Variants in MECOM observed in about 807,000 individuals in gnomAD.
MECOM encodes the protein MDS1 and EVI1 complex locus.
A neutral mutation model predicts 116.3 loss-of-function variants in MECOM; 13 were observed. That is an observed-to-expected ratio of 0.11 (90% confidence interval 0.07 to 0.18). The LOEUF is 0.18. MECOM is among the 10% of genes least tolerant of loss of function. The pLI is 1.00. For missense variants in MECOM, 1,299 were observed against 1,509.0 expected, an observed-to-expected ratio of 0.86 and a Z score of 2.31; for synonymous variants, 528 against 535.2, an observed-to-expected ratio of 0.99 and a Z score of 0.19.
intron 2 of MECOM, among the ~76,000 whole-genome samples, chr3:169,310,442 T>C (rs1482637614): frequency 1.3e-5 from 2 of 152,226 alleles, no homozygotes; most frequent in East Asian, 3.8e-4. Flanking sequence ...GCAAATTGTG[T>C]CATCAAACAG....
intron 2 of MECOM, among the ~76,000 whole-genome samples, chr3:169,203,336 G>A (rs910605239): frequency 2.0e-5 from 3 of 152,032 alleles, no homozygotes; most frequent in African/African-American, 4.8e-5. Flanking sequence ...AAAGAACGTG[G>A]TATTTATGTT....
chr3:169,101,085 G>A, intron 11 of MECOM, 123 bp from the exon 12 acceptor site: 1 of 488,048 alleles, frequency 2.0e-6, no homozygotes, highest in East Asian at 3.7e-5. Flanking sequence ...ACATTTCTTT[G>A]GTATTTAAAA....
chr3:169,377,841 T>G (rs1386512930), intron 2 of MECOM, among the ~76,000 whole-genome samples: 3 of 152,170 alleles, frequency 2.0e-5, no homozygotes, highest in Non-Finnish European at 4.4e-5. Context: ...CAAAGGATTA[T>G]AAATCATTCT....
At chr3:169,292,775 G>T (rs938092813) in intron 2 of MECOM, among the ~76,000 whole-genome samples, 38 of 152,178 alleles carry the variant, frequency 2.5e-4, no homozygotes, top group Non-Finnish European at 1.0e-4. Flanking sequence ...GGAGACTGAA[G>T]ATCTGAATTC....
At chr3:169,088,877 C>T in intron 16 of MECOM, 123 bp downstream of exon 16, 2 of 815,504 alleles carry the variant, frequency 2.5e-6, no homozygotes, top group South Asian at 2.9e-5. Context: ...TTTAGAAAGG[C>T]ATCTGACCCC....
chr3:169,283,568 G>A (rs1320790909), intron 2 of MECOM, among the ~76,000 whole-genome samples: 1 of 152,108 alleles, frequency 6.6e-6, no homozygotes, highest in Non-Finnish European at 1.5e-5. Flanking sequence ...CATTTGTGAA[G>A]ATGAAATTTC....
intron 2 of MECOM, among the ~76,000 whole-genome samples, chr3:169,186,961 G>A (rs1746864568): frequency 6.6e-6 from 1 of 152,194 alleles, no homozygotes; most frequent in South Asian, 2.1e-4. Context: ...CACTGGTAGT[G>A]CAGTGATGAT....
intron 1 of MECOM, among the ~76,000 whole-genome samples, chr3:169,519,787 G>T (rs527826665): frequency 6.6e-6 from 1 of 152,306 alleles, no homozygotes; most frequent in Admixed American, 6.5e-5. Flanking sequence ...CTTGATTTTT[G>T]ACTGCTCAGC....
chr3:169,290,146 A>G (rs1409452556), intron 2 of MECOM, among the ~76,000 whole-genome samples: 2 of 152,126 alleles, frequency 1.3e-5, no homozygotes, highest in African/African-American at 2.4e-5. Flanking sequence ...AATAAAACAA[A>G]TCATTTCCCA....
At chr3:169,212,680 A>G (rs1295125876) in intron 2 of MECOM, among the ~76,000 whole-genome samples, 10 of 125,632 alleles carry the variant, frequency 8.0e-5, no homozygotes, top group Non-Finnish European at 1.3e-4. Flanking sequence ...ATATATATAT[A>G]TATATGCAAC....
chr3:169,177,413 A>T (rs1004339933), intron 2 of MECOM, among the ~76,000 whole-genome samples: 1 of 152,156 alleles, frequency 6.6e-6, no homozygotes, highest in African/African-American at 2.4e-5. Context: ...GTGGGAGTTG[A>T]ACAACGAGAA....
Position 169,084,462 on chromosome 3 carries a change from A to C in MECOM, c.*447T>G, listed in dbSNP as rs371676630. ...TACATAAAACTTTAACGAAGAAAAA[A>C]ATTAAATCTGTAATTAAAAGCAACT... On this transcript the variant is annotated 3_prime_UTR_variant, in exon 17 of 17. Transcript: ENST00000651503. The C allele has an allele frequency of 6.8e-5, 16 of 233,868 alleles. No homozygotes were observed. The East Asian group carries it at 7.9e-4, about 12-fold the overall frequency. 14.5% of individuals were successfully genotyped at this position (233,868 alleles called of 1,614,324 possible). A position where few individuals can be genotyped will look rare whatever the true frequency, so the allele number is the denominator to read the frequency against.
At chr3:169,371,115 C>CTGA (rs1180674414) in intron 2 of MECOM, among the ~76,000 whole-genome samples, 1 of 151,884 alleles carries the variant, frequency 6.6e-6, no homozygotes, top group Admixed American at 6.6e-5. Context: ...TAGAAACAAC[C>CTGA]TGAATGCGAA....
chr3:169,165,310 A>G (rs1213857778), intron 2 of MECOM, among the ~76,000 whole-genome samples: 1 of 152,210 alleles, frequency 6.6e-6, no homozygotes, highest in African/African-American at 2.4e-5. Context: ...ATGAAGTTGT[A>G]AAATTGATTG....
At chr3:169,148,581 A>G (rs1035180708) in intron 2 of MECOM, among the ~76,000 whole-genome samples, 2 of 152,186 alleles carry the variant, frequency 1.3e-5, no homozygotes, top group Non-Finnish European at 1.5e-5. Context: ...CCCCAGCTCA[A>G]CAATGGAAAG....
At chr3:169,470,817 TAA>T (rs538722219) in intron 1 of MECOM, among the ~76,000 whole-genome samples, 1 of 151,330 alleles carries the variant, frequency 6.6e-6, no homozygotes, top group African/African-American at 2.4e-5. Context: ...TACTACAGGT[TAA>T]AAAAAAATGT....
chr3:169,316,185 G>T lies in MECOM; in HGVS notation c.375+65002C>A, dbSNP rs577723553. Among the ~76,000 whole-genome samples, 7 of 152,324 alleles carry T rather than the reference G, an allele frequency of 4.6e-5. No homozygotes were observed. In the South Asian group the frequency reaches 1.5e-3, roughly 32 times the overall value. On this transcript the variant is annotated intron_variant, in intron 2 of 16. Coordinates refer to ENST00000651503, the MANE Select transcript of MECOM (RefSeq NM_004991.4). ...CCATGGATGGCATCCACTGTTTAGT[G>T]TTGTATAATTTACAAACTTCTGTTC...
At position 169,583,016 on chromosome 3, in the gene MECOM, G is replaced by A. The variant is rs1765304286; in HGVS notation, c.37+80320C>T. On this transcript the variant is annotated intron_variant, in intron 1 of 16. Coordinates refer to ENST00000651503, the MANE Select transcript of MECOM (RefSeq NM_004991.4). Reference sequence around the variant, plus strand: ...CATAGAACAAATGAATAAAGGAAAGGTTACATGGCACAGAGGAAATTGTAC... The same window carrying A: ...CATAGAACAAATGAATAAAGGAAAGATTACATGGCACAGAGGAAATTGTAC... 2.6e-5 allele frequency among the ~76,000 whole-genome samples: 4 copies of A among 152,302 alleles called. No homozygotes were observed. In the South Asian group the frequency reaches 8.3e-4, roughly 32 times the overall value.
At chr3:169,483,841 T>G in intron 1 of MECOM, 1 of 1,611,696 alleles carries the variant, frequency 6.2e-7, no homozygotes, top group Non-Finnish European at 8.5e-7. Flanking sequence ...ACCTCGGATG[T>G]CACGGTGATC....
Sources: allele counts gnomAD v4.1 joint callset (sites outside exome capture counted in the v4.1 genomes callset), GRCh38; gene constraint gnomAD v4.1.1; transcripts MANE v1.5; gene names NCBI Gene and HGNC (gene_info 2026-07-23, HGNC 2026-07-21).